DSCAML1: variants seen among roughly 807,000 people sequenced by gnomAD.
DSCAML1 encodes DS cell adhesion molecule like 1, also known as cell adhesion molecule DSCAML1.
DSCAML1 carries 38 observed loss-of-function variants against 200.5 expected under a neutral mutation model. The observed-to-expected ratio is 0.19, with a 90% CI of 0.15 to 0.25. DSCAML1 has a LOEUF of 0.25. Ranked by LOEUF, DSCAML1 falls within the 10% of genes least tolerant of loss-of-function variation. DSCAML1 has a pLI of 1.00. For missense variants in DSCAML1, 2,223 were observed against 2,858.8 expected, an observed-to-expected ratio of 0.78 and a Z score of 5.07; for synonymous variants, 1,215 against 1,165.0, an observed-to-expected ratio of 1.04 and a Z score of -0.87.
In DSCAML1 at chr11:117,651,213, C is replaced by T. The variant is rs959804942; in HGVS notation, c.512-118691G>A. ...GCTACTGGACCAGGGTCTGCAGCTC[C>T]AGCCTCAGCTCAGGGATGGGACAAG... is the stretch of plus-strand genomic sequence containing the variant. On this transcript the variant is annotated intron_variant, in intron 3 of 32. Transcript: ENST00000651296. Among the ~76,000 whole-genome samples, 7 of 152,380 alleles carry T rather than the reference C, an allele frequency of 4.6e-5. No individual in the cohort carries two copies. The East Asian group carries it at 1.3e-3, about 29-fold the overall frequency.
chr11:117,702,938 G>C (rs1266328517), intron 3 of DSCAML1, among the ~76,000 whole-genome samples: 1 of 152,188 alleles, frequency 6.6e-6, no homozygotes, highest in Non-Finnish European at 1.5e-5. Context: ...GACTTTCTGG[G>C]ATGCAAATAA....
intron 3 of DSCAML1, among the ~76,000 whole-genome samples, chr11:117,555,917 G>C (rs560973967): frequency 5.3e-4 from 80 of 151,716 alleles, no homozygotes; most frequent in Middle Eastern, 3.4e-3. Flanking sequence ...AGGAAGCCAG[G>C]GGGGAGCTTA....
chr11:117,759,403 C>A (rs1280462840), intron 3 of DSCAML1, among the ~76,000 whole-genome samples: 1 of 152,192 alleles, frequency 6.6e-6, no homozygotes, highest in Non-Finnish European at 1.5e-5. Context: ...CAGCTGTTGA[C>A]CCTGCCCCGC....
intron 3 of DSCAML1, among the ~76,000 whole-genome samples, chr11:117,677,937 C>G (rs958665046): frequency 6.6e-6 from 1 of 152,168 alleles, no homozygotes; most frequent in African/African-American, 2.4e-5. Context: ...AAGGACTCCA[C>G]TCACGAGGAC....
chr11:117,485,167 A>G (rs1367568532), intron 11 of DSCAML1, among the ~76,000 whole-genome samples: 1 of 152,128 alleles, frequency 6.6e-6, no homozygotes, highest in African/African-American at 2.4e-5. Context: ...CCCTGAGGCT[A>G]TGTACTTTTG....
chr11:117,525,118 C>T (rs1467256739), intron 4 of DSCAML1, 35 bp from the exon 5 acceptor site: 2 of 1,491,786 alleles, frequency 1.3e-6, no homozygotes, highest in Admixed American at 2.6e-5. Context: ...CCCTGGCCAG[C>T]CCTGGGTGGG....
intron 4 of DSCAML1, among the ~76,000 whole-genome samples, chr11:117,529,065 GTATT>G (rs199607020): frequency 6.6e-6 from 1 of 151,712 alleles, no homozygotes; most frequent in African/African-American, 2.4e-5. Flanking sequence ...TTTATAGGCG[GTATT>G]TATTTATTTA....
intron 3 of DSCAML1, among the ~76,000 whole-genome samples, chr11:117,564,971 G>A (rs1310208084): frequency 2.0e-5 from 3 of 151,968 alleles, no homozygotes; most frequent in African/African-American, 7.3e-5. Flanking sequence ...TCACCATGTT[G>A]GTCAGGCTGG....
intron 3 of DSCAML1, among the ~76,000 whole-genome samples, chr11:117,572,586 G>GA (rs781052241): frequency 9.9e-5 from 15 of 152,282 alleles, no homozygotes; most frequent in Non-Finnish European, 2.1e-4. Context: ...TTGTAAGCTA[G>GA]AACCCATGGT....
chr11:117,792,156 C>T (rs1483375346), intron 1 of DSCAML1, among the ~76,000 whole-genome samples: 1 of 152,188 alleles, frequency 6.6e-6, no homozygotes. Context: ...TCTGTCCATC[C>T]CCTGAGGCTC....
At chr11:117,797,008 C>G in intron 1 of DSCAML1, 26 bp downstream of exon 1, 1 of 1,404,992 alleles carries the variant, frequency 7.1e-7, no homozygotes, top group Non-Finnish European at 9.3e-7. Context: ...CCGCCTCCGC[C>G]GCCCAGCCGC....
At chr11:117,796,868 G>A (rs371311600) in intron 1 of DSCAML1, among the ~76,000 whole-genome samples, 166 bp downstream of exon 1, 4 of 152,044 alleles carry the variant, frequency 2.6e-5, no homozygotes, top group East Asian at 3.9e-4. Context: ...ACTCTCACTC[G>A]GCCCCTGTCA....
rs553511116 is a variant in DSCAML1 at position 117,732,182 on chromosome 11, T to A, written c.511+44609A>T. 1.9e-4 allele frequency among the ~76,000 whole-genome samples: 29 copies of A among 152,372 alleles called. 2 individuals are homozygous for A. The highest frequency in any genetic ancestry group is 6.7e-4 in the African/African-American group (28 of 41,594). ...GGTGAATGCTGATGAGCCTCCATGG[T>A]GCACAGGTGCTGTGCTGGAAGCTTT... On this transcript the variant is annotated intron_variant, in intron 3 of 32. Transcript: ENST00000651296.
chr11:117,527,065 A>C (rs940015915), intron 4 of DSCAML1, among the ~76,000 whole-genome samples: 1 of 152,144 alleles, frequency 6.6e-6, no homozygotes, highest in Non-Finnish European at 1.5e-5. Flanking sequence ...CAGGAGGCTG[A>C]GGTGGGAGGA....
chr11:117,814,732 T>C (rs1468555426), intron 1 of DSCAML1, among the ~76,000 whole-genome samples: 1 of 152,234 alleles, frequency 6.6e-6, no homozygotes, highest in East Asian at 1.9e-4. Context: ...CAGGGTCCCC[T>C]GGCAGGTGCC....
At chr11:117,449,222 A>G (rs1474855049) in intron 20 of DSCAML1, among the ~76,000 whole-genome samples, 2 of 152,048 alleles carry the variant, frequency 1.3e-5, no homozygotes, top group Non-Finnish European at 2.9e-5. Context: ...GGGAGCTGGA[A>G]GGGGGCATGG....
chr11:117,736,405 G>A (rs1214165415), intron 3 of DSCAML1, among the ~76,000 whole-genome samples: 1 of 152,172 alleles, frequency 6.6e-6, no homozygotes, highest in Non-Finnish European at 1.5e-5. Context: ...AGCCCAAGAT[G>A]GAAGCCATAG....
At chr11:117,572,860 G>A (rs2050869539) in intron 3 of DSCAML1, among the ~76,000 whole-genome samples, 2 of 152,220 alleles carry the variant, frequency 1.3e-5, no homozygotes, top group Admixed American at 1.3e-4. Flanking sequence ...CACAAGGCCA[G>A]AGAGCCCTGC....
Position 117,518,483 on chromosome 11 carries a change from G to A in DSCAML1, c.1493C>T (p.Ala498Val). The change falls in exon 7 of 33, where the codon GCG becomes GTG. Residue 498 changes from alanine (A) to valine (V), a missense_variant. By Grantham distance (64) the Ala-to-Val change is moderately conservative (BLOSUM62 0). Transcript: ENST00000651296. The surrounding 1 kb of genome is among the most constrained non-coding windows in gnomAD (Gnocchi z 6.3). ...RNLVGSAEYQ[A>V]RINVRGPPSI... ...ACAGGCACCTCTTACGTTTATTCGCGCCTGATATTCAGCACTGCCCACCAA... is the reference window on the plus strand; with the variant it reads ...ACAGGCACCTCTTACGTTTATTCGCACCTGATATTCAGCACTGCCCACCAA... 1.2e-6 allele frequency: 2 copies of A among 1,614,154 alleles called. No individual in the cohort carries two copies. The highest frequency in any genetic ancestry group is 1.7e-6 in the Non-Finnish European group (2 of 1,180,052).
Sources: gnomAD v4.1 joint callset for allele counts (sites outside exome capture counted in the v4.1 genomes callset) on GRCh38, gnomAD v4.1.1 for gene constraint, Gnocchi (gnomAD v3.1) non-coding constraint, MANE v1.5 for transcripts, NCBI Gene and HGNC (gene_info 2026-07-23, HGNC 2026-07-21) for gene names.